HSD17B11: variants seen among roughly 807,000 people sequenced by gnomAD.
The protein encoded by HSD17B11 is estradiol 17-beta-dehydrogenase 11.
HSD17B11 carries 22 observed loss-of-function variants against 27.8 expected under a neutral mutation model. The ratio of observed to expected loss-of-function variants is 0.79; its 90% confidence interval spans 0.56 to 1.13. The LOEUF (loss-of-function observed/expected upper bound fraction) is 1.13, where lower values mean the gene tolerates loss of function less well. Ranked by LOEUF, HSD17B11 falls within the 50% of genes most tolerant of loss-of-function variation. HSD17B11 has a pLI of 0.00. For synonymous variants in HSD17B11, 117 were observed against 132.8 expected (o/e 0.88, Z 0.82); for missense variants, 314 against 351.1 (o/e 0.89, Z 0.84).
chr4:87,346,397 C>T (rs1735270971), intron 5 of HSD17B11, among the ~76,000 whole-genome samples: 1 of 152,066 alleles, frequency 6.6e-6, no homozygotes, highest in Non-Finnish European at 1.5e-5. Flanking sequence ...GACTGTAATC[C>T]CAACACTTTG....
intron 3 of HSD17B11, among the ~76,000 whole-genome samples, chr4:87,373,592 C>G (rs768215747): frequency 6.6e-6 from 1 of 152,024 alleles, no homozygotes; most frequent in Non-Finnish European, 1.5e-5. Context: ...CTCCTGTAGT[C>G]CCTGCTACTA....
chr4:87,368,145 G>A (rs7665207), intron 4 of HSD17B11, among the ~76,000 whole-genome samples: 4,686 of 152,094 alleles, frequency 0.031, 99 homozygotes, highest in Middle Eastern at 0.065. Flanking sequence ...GTGAAATCCC[G>A]TCTCTACTAA....
chr4:87,379,920 T>A (rs1317444459), intron 2 of HSD17B11, among the ~76,000 whole-genome samples: 2 of 146,310 alleles, frequency 1.4e-5, no homozygotes, highest in Non-Finnish European at 3.0e-5. Flanking sequence ...TTATATTATA[T>A]ATTTATATAT....
At chr4:87,341,819 C>G (rs961075966) in intron 5 of HSD17B11, among the ~76,000 whole-genome samples, 1 of 151,932 alleles carries the variant, frequency 6.6e-6, no homozygotes, top group African/African-American at 2.4e-5. Context: ...TGGGTCATGA[C>G]TGTTCCACTG....
Position 87,342,445 on chromosome 4 carries a change from G to A in HSD17B11, c.696-1839C>T, listed in dbSNP as rs564577289. Among the ~76,000 whole-genome samples the A allele has an allele frequency of 1.7e-4, 26 of 150,244 alleles. 1 individual carries two copies. The South Asian group carries it at 2.7e-3, about 16-fold the overall frequency. ...GGATGTGCCAGGCAGAGTGACTCAC[G>A]CCTGTAATCTTAGCAATTTGGGAGG... On this transcript the variant is annotated intron_variant, in intron 5 of 6. Transcript: ENST00000358290.
chr4:87,378,853 T>TAA lies in HSD17B11; in HGVS notation c.318+3401_318+3402insTT, dbSNP rs1262115303. Among the ~76,000 whole-genome samples, 3 of 23,272 alleles carry TAA rather than the reference T, an allele frequency of 1.3e-4. No homozygotes were observed. The South Asian group carries it at 2.1e-3, about 16-fold the overall frequency. The allele number at this position is 23,272 out of a possible 152,430, so 15.3% of individuals were successfully genotyped here. On this transcript the variant is annotated intron_variant, in intron 2 of 6. Transcript: ENST00000358290. ...ATAAATATATATATATAAATATATA[T>TAA]ATAAATATATATAAATATATATATA... is the stretch of plus-strand genomic sequence containing the variant.
At chr4:87,387,771 A>G (rs1265392518) in intron 1 of HSD17B11, among the ~76,000 whole-genome samples, 1 of 152,198 alleles carries the variant, frequency 6.6e-6, no homozygotes, top group Non-Finnish European at 1.5e-5. Flanking sequence ...TCAAAATAAA[A>G]TATAGATTAT....
chr4:87,390,559 T>G (rs924075015), intron 1 of HSD17B11, among the ~76,000 whole-genome samples: 13 of 152,216 alleles, frequency 8.5e-5, no homozygotes, highest in Admixed American at 3.3e-4. Context: ...GTTTTTTCCC[T>G]ATTTTTAAAA....
rs1313478564 is a variant in HSD17B11, at chr4:87,378,870, A to C, written c.318+3385T>G. Among the ~76,000 whole-genome samples the C allele has an allele frequency of 3.5e-3, 76 of 21,564 alleles. 10 individuals are homozygous for C. The highest frequency in any genetic ancestry group is 0.022 in the African/African-American group (48 of 2,218). 14.1% of individuals were successfully genotyped at this position (21,564 alleles called of 152,430 possible). A position where few individuals can be genotyped will look rare whatever the true frequency, so the allele number is the denominator to read the frequency against. ...AATATATATATAAATATATATAAATATATATATATAAATATATATATATAA... is the reference window on the plus strand; with the variant it reads ...AATATATATATAAATATATATAAATCTATATATATAAATATATATATATAA... On this transcript the variant is annotated intron_variant, in intron 2 of 6. Coordinates refer to ENST00000358290, the MANE Select transcript of HSD17B11 (RefSeq NM_016245.5).
intron 5 of HSD17B11, among the ~76,000 whole-genome samples, chr4:87,345,567 C>A (rs1735254904): frequency 6.6e-6 from 1 of 152,120 alleles, no homozygotes; most frequent in Non-Finnish European, 1.5e-5. Context: ...TTTAGCTACA[C>A]TGACCAAGGC....
chr4:87,339,260 C>A (rs1411248489), intron 6 of HSD17B11, among the ~76,000 whole-genome samples: 1 of 152,202 alleles, frequency 6.6e-6, no homozygotes, highest in Non-Finnish European at 1.5e-5. Flanking sequence ...CCAAAGAGAT[C>A]CCTGAGCTTT....
Position 87,382,304 on chromosome 4 carries a change from A to C in HSD17B11, c.269T>G (p.Phe90Cys), listed in dbSNP as rs1358384807. ...CKGLGAKVHT[F>C]VVDCSNREDI... ...TTCTCGGTTGCTGCAGTCTACCACAAAGGTATGAACCTTGGCACCCAGTCC... is the reference window on the plus strand; with the variant it reads ...TTCTCGGTTGCTGCAGTCTACCACACAGGTATGAACCTTGGCACCCAGTCC... Residue 90 changes from phenylalanine (F) to cysteine (C), a missense_variant, in exon 2 of 7, where the codon TTT (phenylalanine) becomes TGT (cysteine). Coordinates refer to ENST00000358290, the MANE Select transcript of HSD17B11 (RefSeq NM_016245.5). The C allele has an allele frequency of 6.2e-7, 1 of 1,614,080 alleles. No individual in the cohort carries two copies. Among genetic ancestry groups the C allele is most frequent in the Non-Finnish European group, 8.5e-7 (1 of 1,179,934 alleles).
At chr4:87,387,968 C>T (rs934321945) in intron 1 of HSD17B11, among the ~76,000 whole-genome samples, 2 of 152,080 alleles carry the variant, frequency 1.3e-5, no homozygotes, top group Non-Finnish European at 2.9e-5. Flanking sequence ...TTACATCTCT[C>T]CTAAGCCCAG....
At chr4:87,367,744 G>C (rs1461797333) in intron 4 of HSD17B11, among the ~76,000 whole-genome samples, 1 of 152,124 alleles carries the variant, frequency 6.6e-6, no homozygotes, top group Non-Finnish European at 1.5e-5. Context: ...ACCAACCAGG[G>C]ATCTCTAACT....
intron 2 of HSD17B11, 115 bp from the exon 3 acceptor site, chr4:87,374,945 G>C: frequency 1.5e-6 from 1 of 684,134 alleles, no homozygotes; most frequent in East Asian, 3.3e-5. Flanking sequence ...CCAGGCTGCA[G>C]TACAGTGGCG....
chr4:87,339,339 T>C (rs974169629), intron 6 of HSD17B11, among the ~76,000 whole-genome samples: 1 of 152,228 alleles, frequency 6.6e-6, no homozygotes, highest in Non-Finnish European at 1.5e-5. Flanking sequence ...CTAACATATG[T>C]CATGCTTTTC....
chr4:87,372,242 C>CAAA (rs10618602), intron 4 of HSD17B11, among the ~76,000 whole-genome samples: 3 of 99,456 alleles, frequency 3.0e-5, no homozygotes, highest in East Asian at 1.1e-3. Context: ...GACTCCGTCT[C>CAAA]AAAAAAAAAA....
At chr4:87,342,017 T>C (rs954404480) in intron 5 of HSD17B11, among the ~76,000 whole-genome samples, 4 of 152,166 alleles carry the variant, frequency 2.6e-5, no homozygotes, top group Non-Finnish European at 4.4e-5. Flanking sequence ...CTCATGAAAT[T>C]TGCCATGCCA....
intron 4 of HSD17B11, among the ~76,000 whole-genome samples, chr4:87,360,803 C>T (rs1312451688): frequency 6.6e-6 from 1 of 152,024 alleles, no homozygotes; most frequent in Non-Finnish European, 1.5e-5. Context: ...GAAAGAGTGA[C>T]AAAATACCAA....
Sources: allele counts gnomAD v4.1 joint callset (sites outside exome capture counted in the v4.1 genomes callset), GRCh38; gene constraint gnomAD v4.1.1; transcripts MANE v1.5; gene names NCBI Gene and HGNC (gene_info 2026-07-23, HGNC 2026-07-21).